The following SENP8 variants were observed in gnomAD, a reference collection of about 807,000 sequenced individuals.
SENP8 encodes the protein sentrin-specific protease 8.
In SENP8, 10 loss-of-function variants were observed where a neutral mutation model predicts 14.4. The observed-to-expected ratio is 0.69, with a 90% CI of 0.43 to 1.18. The LOEUF is 1.18. Among genes scored for constraint, SENP8 ranks in the 50% most tolerant of loss-of-function variants. The pLI, the probability that SENP8 is intolerant of heterozygous loss-of-function variation, is 0.00. For synonymous variants in SENP8, 94 were observed against 95.5 expected, an observed-to-expected ratio of 0.98 and a Z score of 0.09; for missense variants, 202 against 249.4, an observed-to-expected ratio of 0.81 and a Z score of 1.28.
In SENP8 at chr15:72,127,493, T is replaced by C. The variant is rs541311535; in HGVS notation, c.-48+9029T>C. ...GTGTATTTGAGGAGTAAAAAGAAAG[T>C]CTTTGTGGCTGGGTCTTAGTGGGCA... On this transcript the variant is annotated intron_variant, in intron 1 of 1. Coordinates refer to ENST00000340912, the MANE Select transcript of SENP8 (RefSeq NM_145204.4). 1.3e-4 allele frequency among the ~76,000 whole-genome samples: 20 copies of C among 152,070 alleles called. No individual in the cohort carries two copies. In the South Asian group the frequency reaches 3.9e-3, roughly 30 times the overall value.
chr15:72,126,501 T>C (rs1261843218), intron 1 of SENP8, among the ~76,000 whole-genome samples: 2 of 152,140 alleles, frequency 1.3e-5, no homozygotes, highest in Non-Finnish European at 2.9e-5. Flanking sequence ...GGCAGTTGCC[T>C]GTAATCCCAG....
chr15:72,139,020 C>T (rs2081354728), intron 1 of SENP8, among the ~76,000 whole-genome samples: 1 of 140,024 alleles, frequency 7.1e-6, no homozygotes, highest in African/African-American at 2.7e-5. Flanking sequence ...TTAACAATAA[C>T]ATAGCCAATT....
At chr15:72,129,416 G>A (rs1434489016) in intron 1 of SENP8, among the ~76,000 whole-genome samples, 2 of 151,618 alleles carry the variant, frequency 1.3e-5, no homozygotes, top group Non-Finnish European at 2.9e-5. Context: ...AGGCTGGAGT[G>A]CAATGGTGCC....
chr15:72,137,979 AAAAG>A (rs1567071051), intron 1 of SENP8, among the ~76,000 whole-genome samples: 2 of 152,160 alleles, frequency 1.3e-5, no homozygotes. Context: ...CTCAAAAAAA[AAAAG>A]AAAAAGAAAA....
upstream of SENP8, chr15:72,117,749 C>G: frequency 2.5e-6 from 1 of 397,926 alleles, no homozygotes; most frequent in Non-Finnish European, 4.4e-6. Flanking sequence ...ACCCTCCGCC[C>G]CAGGGTAGGA....
At chr15:72,117,658 T>G, upstream of SENP8, 1 of 395,892 alleles carries the variant, frequency 2.5e-6, no homozygotes, top group Non-Finnish European at 4.5e-6. Flanking sequence ...GCAGGGCCGC[T>G]GGGCGCTTGG....
intron 1 of SENP8, among the ~76,000 whole-genome samples, chr15:72,119,239 T>C (rs1320168678): frequency 6.6e-6 from 1 of 152,208 alleles, no homozygotes; most frequent in Non-Finnish European, 1.5e-5. Context: ...TCAAGATCAC[T>C]AGTGGAACGC....
At position 72,143,339 on chromosome 15, in the gene SENP8, T is replaced by G. The variant is rs1349882842; in HGVS notation, c.*3077T>G. 1 of 152,230 alleles carries G rather than the reference T, an allele frequency of 6.6e-6. No individual in the cohort carries two copies. Among genetic ancestry groups the G allele is most frequent in the African/African-American group, 2.4e-5 (1 of 41,462 alleles). 9.4% of individuals were successfully genotyped at this position (152,230 alleles called of 1,614,324 possible). A position where few individuals can be genotyped will look rare whatever the true frequency, so the allele number is the denominator to read the frequency against. On this transcript the variant is annotated 3_prime_UTR_variant, in exon 2 of 2. Transcript: ENST00000340912. ...CCTTCTGTCCTACTCAGTTCCATTT[T>G]AAGACTAACAACAAGTTTGAAAACT...
chr15:72,117,152 C>T (rs938228189), upstream of SENP8: 2 of 152,212 alleles, frequency 1.3e-5, no homozygotes, highest in Admixed American at 1.3e-4. Context: ...GGGACTGACA[C>T]CACATCTACC....
chr15:72,121,428 T>C (rs2081166466), intron 1 of SENP8, among the ~76,000 whole-genome samples: 1 of 152,048 alleles, frequency 6.6e-6, no homozygotes, highest in Non-Finnish European at 1.5e-5. Context: ...TTAATTAATT[T>C]TTGAAAAATG....
intron 1 of SENP8, 107 bp from the exon 2 acceptor site, chr15:72,139,470 C>A: frequency 9.0e-7 from 1 of 1,112,788 alleles, no homozygotes; most frequent in South Asian, 1.5e-5. Context: ...CCCACCTTGT[C>A]CAAGGGTCAA....
At chr15:72,123,624 G>A (rs1016567936) in intron 1 of SENP8, among the ~76,000 whole-genome samples, 4 of 149,696 alleles carry the variant, frequency 2.7e-5, no homozygotes, top group South Asian at 4.2e-4. Context: ...CACCACAACC[G>A]CCACCTCCTG....
chr15:72,129,436 C>T (rs534897828), intron 1 of SENP8, among the ~76,000 whole-genome samples: 16 of 151,786 alleles, frequency 1.1e-4, no homozygotes, highest in Admixed American at 3.3e-4. Context: ...CATTTCGGCT[C>T]ACTGCAGCCT....
Position 72,124,782 on chromosome 15 carries a change from AGGG to A in SENP8, c.-48+6321_-48+6323del, listed in dbSNP as rs925861404. Among the ~76,000 whole-genome samples the A allele has an allele frequency of 1.6e-4, 25 of 152,282 alleles. No homozygotes were observed. The South Asian group carries it at 2.7e-3, about 16-fold the overall frequency. On this transcript the variant is annotated intron_variant, in intron 1 of 1. Transcript: ENST00000340912. ...CTAATTATGTGTTCATTATTAAAAAAGGGGGAAAAATTAAAGCACAATATCAAA... is the reference window on the plus strand; with the variant it reads ...CTAATTATGTGTTCATTATTAAAAAAGGAAAAATTAAAGCACAATATCAAA...
At chr15:72,133,986 T>C (rs891284899) in intron 1 of SENP8, among the ~76,000 whole-genome samples, 1 of 152,198 alleles carries the variant, frequency 6.6e-6, no homozygotes, top group Non-Finnish European at 1.5e-5. Context: ...TCTCGCTCTG[T>C]CACCCAGGCT....
At chr15:72,118,056 G>A (rs377013970), upstream of SENP8, 5 of 395,998 alleles carry the variant, frequency 1.3e-5, no homozygotes, top group African/African-American at 8.3e-5. Flanking sequence ...AACCGCCGCC[G>A]CGTCCCTTAT....
At chr15:72,138,376 G>A (rs1053821434) in intron 1 of SENP8, among the ~76,000 whole-genome samples, 26 of 146,064 alleles carry the variant, frequency 1.8e-4, no homozygotes, top group Non-Finnish European at 3.6e-4. Context: ...TTGAGATGGA[G>A]TCTTGCTCTG....
At chr15:72,133,751 T>C (rs949479125) in intron 1 of SENP8, among the ~76,000 whole-genome samples, 1 of 152,234 alleles carries the variant, frequency 6.6e-6, no homozygotes, top group African/African-American at 2.4e-5. Flanking sequence ...GTGTTCATTA[T>C]AACAAAATAG....
At position 72,137,206 on chromosome 15, in the gene SENP8, C is replaced by T. The variant is rs529701620; in HGVS notation, c.-47-2371C>T. Among the ~76,000 whole-genome samples, 7 of 150,950 alleles carry T rather than the reference C, an allele frequency of 4.6e-5. No homozygotes were observed. The East Asian group carries it at 1.4e-3, about 29-fold the overall frequency. On this transcript the variant is annotated intron_variant, in intron 1 of 1. Transcript: ENST00000340912. ...ATTATTTGGTCTTCTCTACAACTCT[C>T]TAGGGTATGTAAGGTGGGTATATGC...
Sources: gnomAD v4.1 joint callset for allele counts (sites outside exome capture counted in the v4.1 genomes callset) on GRCh38, gnomAD v4.1.1 for gene constraint, MANE v1.5 for transcripts, NCBI Gene and HGNC (gene_info 2026-07-23, HGNC 2026-07-21) for gene names.